Variants in COMMD1 observed in about 807,000 individuals in gnomAD.
COMMD1 encodes the protein copper metabolism domain containing 1.
COMMD1 carries 10 observed loss-of-function variants against 17.2 expected under a neutral mutation model. The ratio of observed to expected loss-of-function variants is 0.58; its 90% CI spans 0.36 to 0.99. The LOEUF (loss-of-function observed/expected upper bound fraction) is 0.99. Among genes scored for constraint, COMMD1 ranks in the 50% least tolerant of loss-of-function variants. The pLI, the probability that COMMD1 is intolerant of heterozygous loss-of-function variation, is 0.01. For synonymous variants in COMMD1, 97 were observed against 91.6 expected, an observed-to-expected ratio of 1.06 and a Z score of -0.34; for missense variants, 270 against 231.8, an observed-to-expected ratio of 1.17 and a Z score of -1.07.
chr2:61,939,550 T>C (rs1374161384), intron 1 of COMMD1, among the ~76,000 whole-genome samples: 1 of 152,144 alleles, frequency 6.6e-6, no homozygotes, highest in African/African-American at 2.4e-5. Context: ...CCTAAAAATA[T>C]GCTATTTTAG....
At chr2:61,908,224 A>G (rs1572949906) in intron 1 of COMMD1, among the ~76,000 whole-genome samples, 1 of 143,976 alleles carries the variant, frequency 6.9e-6, no homozygotes, top group African/African-American at 2.6e-5. Context: ...TCTTTATTGA[A>G]CTCTTTTTTT....
intron 1 of COMMD1, among the ~76,000 whole-genome samples, chr2:61,942,423 T>C (rs1371317364): frequency 1.3e-5 from 2 of 151,802 alleles, no homozygotes; most frequent in Non-Finnish European, 2.9e-5. Flanking sequence ...TTGGTTTGTT[T>C]ATTTTTGAGA....
intron 2 of COMMD1, among the ~76,000 whole-genome samples, chr2:62,075,032 G>A (rs904089979): frequency 6.6e-6 from 1 of 151,806 alleles, no homozygotes; most frequent in African/African-American, 2.4e-5. Flanking sequence ...TGGAACTACA[G>A]GTGCACGCCA....
At chr2:62,045,548 C>G (rs1428357654) in intron 2 of COMMD1, among the ~76,000 whole-genome samples, 1 of 150,454 alleles carries the variant, frequency 6.6e-6, no homozygotes, top group African/African-American at 2.4e-5. Flanking sequence ...ATCATGCTTA[C>G]TTTCCTTCTT....
intron 1 of COMMD1, among the ~76,000 whole-genome samples, chr2:61,949,658 AAAAT>A (rs771910173): frequency 9.1e-6 from 1 of 109,350 alleles, no homozygotes; most frequent in Non-Finnish European, 2.1e-5. Flanking sequence ...AGATTCAGTT[AAAAT>A]AAAAAAAAGA....
At chr2:61,905,651 C>A, upstream of COMMD1, 4 of 1,521,648 alleles carry the variant, frequency 2.6e-6, no homozygotes, top group Non-Finnish European at 2.7e-6. Context: ...CACGGCTCAG[C>A]TGTTGCGGGG....
chr2:61,928,037 T>G (rs1034443629), intron 1 of COMMD1, among the ~76,000 whole-genome samples: 1 of 152,130 alleles, frequency 6.6e-6, no homozygotes, highest in African/African-American at 2.4e-5. Context: ...AGTGCTTGGA[T>G]TACAGGTGTT....
intron 2 of COMMD1, among the ~76,000 whole-genome samples, chr2:62,062,312 C>T (rs1670883791): frequency 1.3e-5 from 2 of 151,602 alleles, no homozygotes; most frequent in Admixed American, 6.6e-5. Context: ...CTGCAACCTG[C>T]CACTCCCAGG....
At chr2:61,913,366 C>CAAAAA (rs767142777) in intron 1 of COMMD1, among the ~76,000 whole-genome samples, 1 of 41,990 alleles carries the variant, frequency 2.4e-5, no homozygotes, top group Non-Finnish European at 5.1e-5. Context: ...GACTCCATCT[C>CAAAAA]AAAAAAAAAA....
At chr2:62,042,336 T>C (rs1429682399) in intron 2 of COMMD1, among the ~76,000 whole-genome samples, 1 of 152,090 alleles carries the variant, frequency 6.6e-6, no homozygotes, top group South Asian at 2.1e-4. Context: ...TGAGTACTGA[T>C]TGGTGCATTT....
intron 2 of COMMD1, among the ~76,000 whole-genome samples, chr2:62,086,928 T>C (rs1671687608): frequency 6.6e-6 from 1 of 151,944 alleles, no homozygotes. Context: ...CGATCTCAGC[T>C]CACTGCAGCC....
chr2:61,990,903 T>TACACACAC (rs34009777), intron 1 of COMMD1, among the ~76,000 whole-genome samples: 24,285 of 116,026 alleles, frequency 0.21, 2,911 homozygotes, highest in East Asian at 0.31. Flanking sequence ...TATATATATA[T>TACACACAC]ACACACACAC....
upstream of COMMD1, chr2:61,905,609 T>G (rs1176998051): frequency 1.1e-5 from 16 of 1,429,712 alleles, no homozygotes; most frequent in East Asian, 2.5e-4. Flanking sequence ...TTGCACAGGC[T>G]ATTTAGGCAC....
intron 1 of COMMD1, chr2:61,915,639 A>G: frequency 2.2e-6 from 1 of 446,076 alleles, no homozygotes; most frequent in Non-Finnish European, 4.5e-6. Flanking sequence ...GTAAATGCTC[A>G]CCACCATGCC....
At chr2:61,944,865 G>C (rs149970247) in intron 1 of COMMD1, among the ~76,000 whole-genome samples, 2 of 152,254 alleles carry the variant, frequency 1.3e-5, no homozygotes, top group African/African-American at 4.8e-5. Flanking sequence ...AGATGGGGAA[G>C]GGGAAGGGGA....
chr2:62,068,275 A>G (rs1671109260), intron 2 of COMMD1, among the ~76,000 whole-genome samples: 1 of 152,244 alleles, frequency 6.6e-6, no homozygotes, highest in Non-Finnish European at 1.5e-5. Context: ...ACCACATACG[A>G]ACATTGACTC....
chr2:62,130,174 C>CA (rs1672991947), intron 2 of COMMD1, among the ~76,000 whole-genome samples: 1 of 145,082 alleles, frequency 6.9e-6, no homozygotes, highest in Non-Finnish European at 1.5e-5. Context: ...AAAAAACAAA[C>CA]AAAAAAACAA....
chr2:62,050,219 T>A (rs1249034497), intron 2 of COMMD1, among the ~76,000 whole-genome samples: 1 of 152,224 alleles, frequency 6.6e-6, no homozygotes, highest in Non-Finnish European at 1.5e-5. Context: ...AAAATAAGTA[T>A]GCTTTAAGTA....
chr2:61,905,570 CAGGTTCCCCG>C, upstream of COMMD1: 1 of 1,157,250 alleles, frequency 8.6e-7, no homozygotes, highest in African/African-American at 1.6e-5. Flanking sequence ...GCCTTGCCTC[CAGGTTCCCCG>C]AGGTTCCCCG....
Sources: gnomAD v4.1 joint callset for allele counts (sites outside exome capture counted in the v4.1 genomes callset) on GRCh38, gnomAD v4.1.1 for gene constraint, MANE v1.5 for transcripts, NCBI Gene and HGNC (gene_info 2026-07-23, HGNC 2026-07-21) for gene names.